CSMD1: variants seen among roughly 807,000 people sequenced by gnomAD.
CSMD1 encodes the protein CUB and sushi domain-containing protein 1.
In CSMD1, 213 loss-of-function variants were observed where a neutral mutation model predicts 417.5. The observed-to-expected ratio is 0.51, with a 90% CI of 0.46 to 0.57. The LOEUF (loss-of-function observed/expected upper bound fraction) is 0.57. CSMD1 is among the 20% of genes least tolerant of loss of function. The probability of loss-of-function intolerance (pLI) is 0.00; values close to 1 mark genes in which losing one functional copy is unlikely to be tolerated. For synonymous variants in CSMD1, 2,862 were observed against 1,736.8 expected (o/e 1.65, Z -16.11); for missense variants, 6,923 against 4,529.7 (o/e 1.53, Z -15.17).
intron 1 of CSMD1, among the ~76,000 whole-genome samples, chr8:4,848,736 G>T (rs1281804369): frequency 2.0e-5 from 3 of 152,056 alleles, no homozygotes; most frequent in Non-Finnish European, 4.4e-5. Flanking sequence ...TAGGGACTGG[G>T]TTTCACCATG....
intron 2 of CSMD1, among the ~76,000 whole-genome samples, chr8:4,543,888 G>GTGGA (rs1797519578): frequency 6.6e-6 from 1 of 152,148 alleles, no homozygotes; most frequent in African/African-American, 2.4e-5. Context: ...GACATAAGAT[G>GTGGA]TGGAGCGCCT....
intron 21 of CSMD1, among the ~76,000 whole-genome samples, chr8:3,354,915 ATGTC>A (rs1427401240): frequency 6.6e-6 from 1 of 150,418 alleles, no homozygotes; most frequent in Non-Finnish European, 1.5e-5. Flanking sequence ...ATCTATAGAT[ATGTC>A]TATCTATAGA....
intron 12 of CSMD1, among the ~76,000 whole-genome samples, chr8:3,434,175 T>G (rs1814403515): frequency 1.3e-5 from 2 of 152,234 alleles, no homozygotes; most frequent in African/African-American, 4.8e-5. Flanking sequence ...GCCATCATAG[T>G]AAATATTCCT....
intron 33 of CSMD1, 106 bp downstream of exon 33, chr8:3,199,608 C>CA (rs535248763): frequency 4.5e-4 from 233 of 513,688 alleles, no homozygotes; most frequent in African/African-American, 4.1e-3. Flanking sequence ...TTAAATATTA[C>CA]AAAAATGCAG....
chr8:4,456,393 C>T (rs796435100), intron 2 of CSMD1, among the ~76,000 whole-genome samples: 24 of 152,220 alleles, frequency 1.6e-4, no homozygotes, highest in African/African-American at 5.3e-4. Flanking sequence ...AGCTAGGTAT[C>T]AAAGACAAGA....
At chr8:4,078,003 G>A (rs1375789165) in intron 3 of CSMD1, among the ~76,000 whole-genome samples, 1 of 151,842 alleles carries the variant, frequency 6.6e-6, no homozygotes, top group African/African-American at 2.4e-5. Flanking sequence ...TCTCTCAGTT[G>A]GAAAAAAATA....
intron 50 of CSMD1, among the ~76,000 whole-genome samples, chr8:3,034,860 G>C (rs989949191): frequency 6.6e-6 from 1 of 152,182 alleles, no homozygotes; most frequent in Non-Finnish European, 1.5e-5. Flanking sequence ...TGAAGCTGAA[G>C]TTAAGAACTG....
intron 12 of CSMD1, among the ~76,000 whole-genome samples, chr8:3,418,022 G>A (rs1367393261): frequency 6.6e-6 from 1 of 152,176 alleles, no homozygotes; most frequent in Non-Finnish European, 1.5e-5. Flanking sequence ...ACAGTGGCCT[G>A]TGCTTGTTAA....
At chr8:3,462,133 C>CCA (rs1816544473) in intron 12 of CSMD1, among the ~76,000 whole-genome samples, 1 of 147,308 alleles carries the variant, frequency 6.8e-6, no homozygotes, top group Non-Finnish European at 1.5e-5. Context: ...CCCCCCCCCC[C>CCA]ACCTCCCAGC....
intron 2 of CSMD1, among the ~76,000 whole-genome samples, chr8:4,488,210 A>G (rs1416273365): frequency 6.6e-6 from 1 of 152,202 alleles, no homozygotes; most frequent in African/African-American, 2.4e-5. Flanking sequence ...TTATAATCCA[A>G]CAACTTAATG....
intron 3 of CSMD1, 42 bp from the exon 4 acceptor site, chr8:4,032,141 T>C: frequency 6.6e-7 from 1 of 1,508,342 alleles, no homozygotes; most frequent in Middle Eastern, 1.8e-4. Context: ...CAAGTTAAAT[T>C]TTCCATGGAG....
In CSMD1 at chr8:3,058,223, A is replaced by G. The variant is rs192078251; in HGVS notation, c.7475-5576T>C. 3.9e-5 allele frequency among the ~76,000 whole-genome samples: 6 copies of G among 152,354 alleles called. No homozygotes were observed. The East Asian group carries it at 1.2e-3, about 29-fold the overall frequency. Reference sequence around the variant, plus strand: ...AAAATATTGCTTCACAAAGTTATATATAACTGCACTTTCTATAGTTGTCTG... The same window carrying G: ...AAAATATTGCTTCACAAAGTTATATGTAACTGCACTTTCTATAGTTGTCTG... On this transcript the variant is annotated intron_variant, in intron 49 of 69. Transcript: ENST00000635120.
chr8:4,573,648 C>G (rs1276694189), intron 2 of CSMD1, among the ~76,000 whole-genome samples: 1 of 152,080 alleles, frequency 6.6e-6, no homozygotes, highest in African/African-American at 2.4e-5. Context: ...AGCTTGAGTG[C>G]TGTGGTAGGA....
intron 3 of CSMD1, among the ~76,000 whole-genome samples, chr8:4,138,857 G>A (rs76604407): frequency 5.3e-5 from 8 of 152,014 alleles, no homozygotes; most frequent in Admixed American, 1.3e-4. Context: ...TTAATATATT[G>A]TGAATTATTT....
intron 2 of CSMD1, among the ~76,000 whole-genome samples, chr8:4,601,162 T>G (rs1800558149): frequency 6.6e-6 from 1 of 151,974 alleles, no homozygotes; most frequent in South Asian, 2.1e-4. Flanking sequence ...TCCATGTTGG[T>G]CAGGCTGGTC....
intron 3 of CSMD1, among the ~76,000 whole-genome samples, chr8:4,255,964 G>C (rs559772532): frequency 6.6e-5 from 10 of 152,288 alleles, no homozygotes; most frequent in African/African-American, 2.4e-4. Context: ...GTCCAATAAA[G>C]CTTTGGTGAA....
chr8:2,989,131 C>T (rs1806170458), intron 54 of CSMD1, among the ~76,000 whole-genome samples: 1 of 152,330 alleles, frequency 6.6e-6, no homozygotes, highest in Non-Finnish European at 1.5e-5. Context: ...AAAAAGCACA[C>T]ACAGTAAGAA....
intron 3 of CSMD1, among the ~76,000 whole-genome samples, chr8:4,205,833 C>G (rs912415599): frequency 6.6e-6 from 1 of 152,190 alleles, no homozygotes; most frequent in South Asian, 2.1e-4. Flanking sequence ...CCCCCATTAA[C>G]ATATGAGTAC....
intron 49 of CSMD1, among the ~76,000 whole-genome samples, chr8:3,060,974 C>T (rs983001388): frequency 6.6e-5 from 10 of 152,074 alleles, no homozygotes; most frequent in Non-Finnish European, 1.5e-4. Flanking sequence ...TCAAAGTGAA[C>T]AATGGTGTGA....
Sources: allele counts gnomAD v4.1 joint callset (sites outside exome capture counted in the v4.1 genomes callset), GRCh38; gene constraint gnomAD v4.1.1; transcripts MANE v1.5; gene names NCBI Gene and HGNC (gene_info 2026-07-23, HGNC 2026-07-21).